The following SPG7 variants were observed in gnomAD, a reference collection of about 807,000 sequenced individuals.
SPG7 encodes SPG7 matrix AAA peptidase subunit, paraplegin, also known as mitochondrial inner membrane m-AAA protease component paraplegin.
Under a neutral mutation model 81.9 loss-of-function variants are expected in SPG7, and 103 were observed. The ratio of observed to expected loss-of-function variants is 1.26; its 90% CI spans 1.07 to 1.48. The LOEUF (loss-of-function observed/expected upper bound fraction) is 1.48. Ranked by LOEUF, SPG7 falls within the 40% of genes most tolerant of loss-of-function variation. The probability of loss-of-function intolerance (pLI) is 0.00; values close to 1 mark genes in which losing one functional copy is unlikely to be tolerated. For missense variants in SPG7, 1,241 were observed against 1,087.3 expected, an observed-to-expected ratio of 1.14 and a Z score of -1.99; for synonymous variants, 534 against 444.2, an observed-to-expected ratio of 1.20 and a Z score of -2.54.
chr16:89,526,194 T>C, intron 4 of SPG7, 135 bp from the exon 5 acceptor site: 1 of 1,012,190 alleles, frequency 9.9e-7, no homozygotes, highest in Admixed American at 1.7e-5. Context: ...GAATCACCTC[T>C]AGTTTCTGAA....
At position 89,556,969 on chromosome 16, in the gene SPG7, A is replaced by G; in HGVS notation, c.2264A>G (p.Lys755Arg). Residue 755 changes from lysine (K) to arginine (R), a missense_variant, in exon 17 of 17, where the codon AAG becomes AGG. Physicochemically the swap from Lys to Arg is conservative, Grantham distance 26. Transcript: ENST00000645818. ...ATTGGCCCGCCGCCCCATGGGCCGA[A>G]GAAAATGATCGCACCGCAGAGGTGG... ...ALIGPPPHGPKKMIAPQRWID... is the reference protein window; with the variant it reads ...ALIGPPPHGPRKMIAPQRWID... 1 of 1,614,114 alleles carries G rather than the reference A, an allele frequency of 6.2e-7. No individual in the cohort carries two copies. The highest frequency in any genetic ancestry group is 1.1e-5 in the South Asian group (1 of 91,090).
intron 9 of SPG7, chr16:89,541,736 A>G (rs2058498345): frequency 6.6e-6 from 1 of 152,234 alleles, no homozygotes; most frequent in East Asian, 1.9e-4. Context: ...GTCTGTTACC[A>G]TCAGAATACA....
chr16:89,535,852 CCTCT>C (rs2058407422), intron 9 of SPG7, among the ~76,000 whole-genome samples: 2 of 150,642 alleles, frequency 1.3e-5, no homozygotes, highest in Non-Finnish European at 3.0e-5. Flanking sequence ...TTCAGTGTGG[CCTCT>C]CTGGTGCTGT....
intron 14 of SPG7, 102 bp downstream of exon 14, chr16:89,553,237 A>G (rs1207193027): frequency 8.5e-7 from 1 of 1,174,412 alleles, no homozygotes; most frequent in Non-Finnish European, 1.2e-6. Context: ...GTGTAGACGT[A>G]GCTTTGAATT....
chr16:89,541,523 T>C (rs1376348400), intron 9 of SPG7: 1 of 168,456 alleles, frequency 5.9e-6, no homozygotes, highest in African/African-American at 2.4e-5. Flanking sequence ...GCTCGTTATG[T>C]GAACGTGCGT....
intron 3 of SPG7, among the ~76,000 whole-genome samples, chr16:89,516,292 G>A (rs551689423): frequency 2.6e-5 from 4 of 151,342 alleles, no homozygotes; most frequent in African/African-American, 7.3e-5. Context: ...CCGGCCGTTC[G>A]TTTTTTTAAT....
intron 3 of SPG7, among the ~76,000 whole-genome samples, chr16:89,515,704 T>C (rs1351522856): frequency 6.9e-6 from 1 of 145,814 alleles, no homozygotes; most frequent in Admixed American, 6.8e-5. Flanking sequence ...ATTATTACTA[T>C]TATTATTATT....
intron 3 of SPG7, chr16:89,520,156 A>G (rs1036910166): frequency 1.3e-5 from 2 of 152,562 alleles, no homozygotes; most frequent in African/African-American, 4.8e-5. Flanking sequence ...TCGTCTCAGC[A>G]TCCTGAATAA....
At chr16:89,522,810 AC>A (rs2152398935) in intron 3 of SPG7, 1 of 152,526 alleles carries the variant, frequency 6.6e-6, no homozygotes, top group South Asian at 2.1e-4. Flanking sequence ...GTGGGAAGTG[AC>A]CCCTGCGGGC....
intron 9 of SPG7, 133 bp downstream of exon 9, chr16:89,532,769 C>CAA: frequency 5.4e-6 from 5 of 930,504 alleles, no homozygotes; most frequent in Admixed American, 5.4e-5. Flanking sequence ...GACTCTGTCT[C>CAA]AAGAAAAAAA....
intron 6 of SPG7, 129 bp from the exon 7 acceptor site, chr16:89,530,554 G>A (rs1202979943): frequency 9.8e-7 from 1 of 1,023,792 alleles, no homozygotes; most frequent in Non-Finnish European, 1.5e-6. Context: ...CCTGACATGA[G>A]TGAAGCCTTG....
At position 89,526,802 on chromosome 16, in the gene SPG7, C is replaced by A. The variant is rs529733646; in HGVS notation, c.758+334C>A. ...CGACGTAAGATGCCGAAGTCTCAGC[C>A]CCCGACGTAGGATGGCGAAGTCTCA... On this transcript the variant is annotated intron_variant, in intron 5 of 16. Coordinates refer to ENST00000645818, the MANE Select transcript of SPG7 (RefSeq NM_003119.4). 9.0e-4 allele frequency: 322 copies of A among 359,334 alleles called. 7 individuals carry two copies. The highest frequency in any genetic ancestry group is 6.5e-3 in the South Asian group (297 of 45,602). The allele number at this position is 359,334 out of a possible 1,614,324, so 22.3% of individuals were successfully genotyped here. A position where few individuals can be genotyped will look rare whatever the true frequency, so the allele number is the denominator to read the frequency against.
intron 3 of SPG7, among the ~76,000 whole-genome samples, chr16:89,516,506 G>A (rs2058098417): frequency 1.3e-5 from 2 of 152,080 alleles, no homozygotes. Context: ...AGCTGAGATT[G>A]TGCCATTGCA....
chr16:89,532,071 G>T lies in SPG7; in HGVS notation c.1150+5G>T, dbSNP rs1261496896. On this transcript the variant is annotated splice_donor_5th_base_variant and intron_variant, in intron 8 of 16. Transcript: ENST00000645818. ...AGTTCGTGGAGGTCATTGGAGGTAG[G>T]TGCTGTGGTTGGGGGCTGTGGGTGG... 2 of 1,611,662 alleles carry T rather than the reference G, an allele frequency of 1.2e-6. No homozygotes were observed. Among genetic ancestry groups the T allele is most frequent in the South Asian group, 1.1e-5 (1 of 91,030 alleles).
At chr16:89,546,060 TC>T in intron 10 of SPG7, 1 of 324,928 alleles carries the variant, frequency 3.1e-6, no homozygotes, top group East Asian at 1.0e-4. Context: ...CCTCAAGTGA[TC>T]CCCACCCACC....
chr16:89,526,189 A>T (rs2058257648), intron 4 of SPG7, 140 bp from the exon 5 acceptor site: 1 of 970,350 alleles, frequency 1.0e-6, no homozygotes, highest in Non-Finnish European at 1.7e-6. Flanking sequence ...GTTAGGAATC[A>T]CCTCTAGTTT....
chr16:89,554,867 T>C (rs1370305722), intron 16 of SPG7: 2 of 324,118 alleles, frequency 6.2e-6, no homozygotes, highest in African/African-American at 4.3e-5. Flanking sequence ...TTACACTTTT[T>C]TCTTGAACAT....
At chr16:89,540,362 G>A (rs1477911249) in intron 9 of SPG7, 1 of 152,124 alleles carries the variant, frequency 6.6e-6, no homozygotes, top group East Asian at 1.9e-4. Context: ...TGAGTTGGAA[G>A]CATTACTTTA....
intron 16 of SPG7, 87 bp from the exon 17 acceptor site, chr16:89,556,800 C>A: frequency 9.6e-7 from 1 of 1,042,130 alleles, no homozygotes; most frequent in Non-Finnish European, 1.5e-6. Context: ...CACAGACAGG[C>A]CCTCACGCCT....
Sources: allele counts gnomAD v4.1 joint callset (sites outside exome capture counted in the v4.1 genomes callset), GRCh38; gene constraint gnomAD v4.1.1; transcripts MANE v1.5; gene names NCBI Gene and HGNC (gene_info 2026-07-23, HGNC 2026-07-21).